Variants in GPC5 observed in about 807,000 individuals in gnomAD.
The protein encoded by GPC5 is glypican-5.
GPC5 carries 47 observed loss-of-function variants against 53.9 expected under a neutral mutation model. The ratio of observed to expected loss-of-function variants is 0.87; its 90% CI spans 0.69 to 1.11. The LOEUF is 1.11. GPC5 is among the 50% of genes most tolerant of loss of function. GPC5 has a pLI of 0.00. For missense variants in GPC5, 748 were observed against 713.1 expected, an observed-to-expected ratio of 1.05 and a Z score of -0.56; for synonymous variants, 286 against 263.3, an observed-to-expected ratio of 1.09 and a Z score of -0.84.
chr13:92,325,230 T>A (rs1292918143), intron 7 of GPC5, among the ~76,000 whole-genome samples: 1 of 151,964 alleles, frequency 6.6e-6, no homozygotes, highest in East Asian at 1.9e-4. Flanking sequence ...ATGGTTTTAA[T>A]ATAATTAAGT....
intron 7 of GPC5, among the ~76,000 whole-genome samples, chr13:92,707,645 A>G (rs987845816): frequency 6.6e-6 from 1 of 152,058 alleles, no homozygotes; most frequent in Non-Finnish European, 1.5e-5. Flanking sequence ...AAAAAAATGC[A>G]TGTGTACTAA....
intron 7 of GPC5, among the ~76,000 whole-genome samples, chr13:92,830,361 AT>A (rs1194690186): frequency 5.3e-5 from 8 of 151,948 alleles, no homozygotes; most frequent in Admixed American, 5.2e-4. Flanking sequence ...ACATTTCCAG[AT>A]TTTTTTCCTA....
intron 2 of GPC5, among the ~76,000 whole-genome samples, chr13:91,502,332 C>T (rs1028360105): frequency 1.3e-5 from 2 of 152,110 alleles, no homozygotes; most frequent in African/African-American, 4.8e-5. Flanking sequence ...TGCCTATGTC[C>T]TGAATGGTAT....
At chr13:92,754,538 T>C (rs982002672) in intron 7 of GPC5, among the ~76,000 whole-genome samples, 14 of 151,192 alleles carry the variant, frequency 9.3e-5, no homozygotes, top group African/African-American at 2.4e-4. Flanking sequence ...AACTGGCAAA[T>C]TGGATAAAGA....
chr13:92,233,861 A>G (rs1344807720), intron 7 of GPC5, among the ~76,000 whole-genome samples: 1 of 147,254 alleles, frequency 6.8e-6, no homozygotes, highest in Non-Finnish European at 1.5e-5. Context: ...TCCTGTGTCC[A>G]TGTGTTCTCA....
intron 7 of GPC5, among the ~76,000 whole-genome samples, chr13:92,316,949 C>G (rs541637177): frequency 6.6e-6 from 1 of 152,028 alleles, no homozygotes; most frequent in Non-Finnish European, 1.5e-5. Flanking sequence ...TTCTCCATAA[C>G]GTGCTAATGA....
chr13:91,801,822 G>A (rs1356976618), intron 5 of GPC5, among the ~76,000 whole-genome samples: 1 of 152,158 alleles, frequency 6.6e-6, no homozygotes, highest in Non-Finnish European at 1.5e-5. Flanking sequence ...TTGAATTCAA[G>A]CAGTTCCATC....
intron 6 of GPC5, among the ~76,000 whole-genome samples, chr13:92,144,441 A>G (rs1249869783): frequency 6.6e-6 from 1 of 152,194 alleles, no homozygotes; most frequent in Non-Finnish European, 1.5e-5. Flanking sequence ...GTGTGGGTTT[A>G]CAAAACAGCA....
At chr13:91,634,778 A>G (rs1468316936) in intron 2 of GPC5, among the ~76,000 whole-genome samples, 1 of 152,106 alleles carries the variant, frequency 6.6e-6, no homozygotes, top group East Asian at 1.9e-4. Context: ...AAAGTAGCAT[A>G]GGAGTAGATT....
At chr13:92,276,365 T>A (rs1444642106) in intron 7 of GPC5, among the ~76,000 whole-genome samples, 1 of 152,150 alleles carries the variant, frequency 6.6e-6, no homozygotes, top group Non-Finnish European at 1.5e-5. Flanking sequence ...ACTTTCTTCT[T>A]ACCATCTAAA....
At chr13:91,961,756 C>T (rs1020563833) in intron 6 of GPC5, among the ~76,000 whole-genome samples, 12 of 151,926 alleles carry the variant, frequency 7.9e-5, no homozygotes, top group Admixed American at 5.2e-4. Context: ...ATCTCACTAG[C>T]GTAATACTGA....
intron 6 of GPC5, among the ~76,000 whole-genome samples, chr13:92,033,378 CA>C (rs916659983): frequency 1.1e-4 from 17 of 152,078 alleles, no homozygotes; most frequent in African/African-American, 4.1e-4. Flanking sequence ...TCAAGAAATA[CA>C]AGATATCTTA....
chr13:92,393,984 A>G (rs750387257), intron 7 of GPC5, among the ~76,000 whole-genome samples: 4 of 152,134 alleles, frequency 2.6e-5, no homozygotes, highest in Non-Finnish European at 5.9e-5. Flanking sequence ...CGTATGTAGT[A>G]GAGGCTTTCT....
At chr13:92,752,478 G>A (rs1889437186) in intron 7 of GPC5, among the ~76,000 whole-genome samples, 1 of 152,192 alleles carries the variant, frequency 6.6e-6, no homozygotes, top group South Asian at 2.1e-4. Flanking sequence ...TCTGGATGGG[G>A]GGAGGAGCCA....
At chr13:92,284,513 T>C (rs2042939560) in intron 7 of GPC5, among the ~76,000 whole-genome samples, 2 of 152,002 alleles carry the variant, frequency 1.3e-5, no homozygotes, top group Admixed American at 6.6e-5. Context: ...ACAAACCAAA[T>C]CCAGCAGCAC....
chr13:92,524,234 G>C (rs1309053116), intron 7 of GPC5, among the ~76,000 whole-genome samples: 4 of 152,008 alleles, frequency 2.6e-5, no homozygotes, highest in African/African-American at 9.7e-5. Flanking sequence ...TAAGTTTATG[G>C]AATATTCTAA....
intron 7 of GPC5, among the ~76,000 whole-genome samples, chr13:92,778,148 A>T (rs1875886266): frequency 6.6e-6 from 1 of 152,190 alleles, no homozygotes. Flanking sequence ...TATAGACACA[A>T]TTTTTCACAA....
In GPC5 at chr13:92,501,420, A is replaced by G. The variant is rs1880179275; in HGVS notation, c.1561+356431A>G. ...GATTAACAATAGAACCAAAATTGAA[A>G]AACATGAACAATTGTTAATTGGCCT... On this transcript the variant is annotated intron_variant, in intron 7 of 7. Coordinates refer to ENST00000377067, the MANE Select transcript of GPC5 (RefSeq NM_004466.6). Among the ~76,000 whole-genome samples the G allele has an allele frequency of 2.0e-5, 3 of 152,188 alleles. No homozygotes were observed. In the South Asian group the frequency reaches 6.2e-4, roughly 31 times the overall value.
chr13:92,185,743 T>G (rs976293003), intron 7 of GPC5, among the ~76,000 whole-genome samples: 8 of 152,270 alleles, frequency 5.3e-5, no homozygotes, highest in African/African-American at 1.7e-4. Context: ...TCTACATCAT[T>G]GTCAATTAGC....
Sources: allele counts gnomAD v4.1 joint callset (sites outside exome capture counted in the v4.1 genomes callset), GRCh38; gene constraint gnomAD v4.1.1; transcripts MANE v1.5; gene names NCBI Gene and HGNC (gene_info 2026-07-23, HGNC 2026-07-21).